The following DNAJC6 variants were observed in gnomAD, a reference collection of about 807,000 sequenced individuals.
DNAJC6 encodes auxilin.
DNAJC6 carries 34 observed loss-of-function variants against 110.0 expected under a neutral mutation model. The observed-to-expected ratio is 0.31, with a 90% CI of 0.24 to 0.41. The LOEUF is 0.41. DNAJC6 is among the 10% of genes least tolerant of loss of function. The pLI, the probability that DNAJC6 is intolerant of heterozygous loss-of-function variation, is 1.00. For missense variants in DNAJC6, 1,031 were observed against 1,207.8 expected (o/e 0.85, Z 2.17); for synonymous variants, 406 against 437.2 (o/e 0.93, Z 0.89).
intron 1 of DNAJC6, among the ~76,000 whole-genome samples, chr1:65,300,539 GC>G (rs1355996132): frequency 1.3e-5 from 2 of 152,146 alleles, no homozygotes; most frequent in South Asian, 4.1e-4. Context: ...ATACTATGTG[GC>G]CACATGCCCA....
intron 1 of DNAJC6, among the ~76,000 whole-genome samples, chr1:65,293,843 T>C (rs1032239113): frequency 6.6e-6 from 1 of 152,224 alleles, no homozygotes; most frequent in Non-Finnish European, 1.5e-5. Context: ...TTTAAGAATA[T>C]AATTTTCATT....
chr1:65,265,941 T>G (rs1299796805), intron 1 of DNAJC6, among the ~76,000 whole-genome samples: 1 of 152,250 alleles, frequency 6.6e-6, no homozygotes. Flanking sequence ...TTTCACCCGC[T>G]TTCCGTGCGA....
At chr1:65,346,356 G>A (rs921546454) in intron 1 of DNAJC6, among the ~76,000 whole-genome samples, 9 of 151,054 alleles carry the variant, frequency 6.0e-5, no homozygotes, top group Admixed American at 1.3e-4. Flanking sequence ...TCTGCTCTGC[G>A]AACAGCTTGT....
intron 1 of DNAJC6, among the ~76,000 whole-genome samples, chr1:65,280,078 G>T (rs1215244545): frequency 6.6e-6 from 1 of 152,114 alleles, no homozygotes; most frequent in East Asian, 1.9e-4. Context: ...GTTGTTGCGA[G>T]ATTAGAAATA....
chr1:65,334,467 A>G (rs1348721551), intron 1 of DNAJC6, among the ~76,000 whole-genome samples: 1 of 152,226 alleles, frequency 6.6e-6, no homozygotes, highest in Non-Finnish European at 1.5e-5. Context: ...GGACTGGGGC[A>G]AAGATGGGTG....
At chr1:65,366,583 A>T (rs1053822483) in intron 4 of DNAJC6, among the ~76,000 whole-genome samples, 6 of 152,200 alleles carry the variant, frequency 3.9e-5, no homozygotes, top group Non-Finnish European at 7.4e-5. Context: ...GTATCAAGAT[A>T]AGGCAGTGTG....
chr1:65,401,970 A>T (rs1646034258), intron 15 of DNAJC6, 90 bp downstream of exon 15: 2 of 1,546,318 alleles, frequency 1.3e-6, no homozygotes, highest in African/African-American at 1.4e-5. Flanking sequence ...GCAAGCTGGT[A>T]TTGTCACCTG....
chr1:65,346,979 A>T (rs1240066333), intron 1 of DNAJC6, among the ~76,000 whole-genome samples: 1 of 152,094 alleles, frequency 6.6e-6, no homozygotes, highest in Non-Finnish European at 1.5e-5. Flanking sequence ...CAGAATGCTT[A>T]TCTACTTTAT....
intron 14 of DNAJC6, among the ~76,000 whole-genome samples, chr1:65,400,016 A>G (rs1042479898): frequency 6.6e-6 from 1 of 152,034 alleles, no homozygotes; most frequent in Admixed American, 6.5e-5. Flanking sequence ...CCCCATCTCT[A>G]CAAAAATACA....
intron 1 of DNAJC6, among the ~76,000 whole-genome samples, chr1:65,347,443 C>T (rs1645447445): frequency 6.6e-6 from 1 of 151,930 alleles, no homozygotes; most frequent in African/African-American, 2.4e-5. Flanking sequence ...ATTCCATCCT[C>T]CTCACCCAGC....
At chr1:65,305,877 T>C (rs927027829), upstream of DNAJC6, among the ~76,000 whole-genome samples, 3 of 148,476 alleles carry the variant, frequency 2.0e-5, no homozygotes, top group Non-Finnish European at 3.0e-5. Flanking sequence ...AGTGGAATGA[T>C]AGTAATAATA....
At chr1:65,299,852 C>T (rs537277766) in intron 1 of DNAJC6, among the ~76,000 whole-genome samples, 1 of 152,040 alleles carries the variant, frequency 6.6e-6, no homozygotes, top group East Asian at 1.9e-4. Flanking sequence ...GAGTTTGAGA[C>T]CAGCCTGGCC....
At chr1:65,404,534 T>C (rs1475428462) in intron 15 of DNAJC6, among the ~76,000 whole-genome samples, 2 of 152,128 alleles carry the variant, frequency 1.3e-5, no homozygotes, top group Non-Finnish European at 2.9e-5. Flanking sequence ...CAAATAGTGG[T>C]GAATTAGTGT....
At chr1:65,282,438 A>G (rs1440504015) in intron 1 of DNAJC6, among the ~76,000 whole-genome samples, 1 of 152,154 alleles carries the variant, frequency 6.6e-6, no homozygotes, top group Non-Finnish European at 1.5e-5. Context: ...CCTTAAAGCT[A>G]AGAGACTGAT....
intron 13 of DNAJC6, among the ~76,000 whole-genome samples, chr1:65,397,340 T>C (rs1365581971): frequency 6.6e-6 from 1 of 152,100 alleles, no homozygotes; most frequent in East Asian, 1.9e-4. Flanking sequence ...ATAAAAAAAA[T>C]ACTGCCTTTG....
chr1:65,377,568 C>G (rs1449227469), intron 4 of DNAJC6, among the ~76,000 whole-genome samples: 6 of 152,162 alleles, frequency 3.9e-5, no homozygotes, highest in Non-Finnish European at 8.8e-5. Context: ...CTTGTCTCTC[C>G]TAAAGGTATA....
chr1:65,407,904 T>C (rs1231268747), intron 16 of DNAJC6, among the ~76,000 whole-genome samples: 1 of 152,244 alleles, frequency 6.6e-6, no homozygotes, highest in African/African-American at 2.4e-5. Flanking sequence ...CTGTTATGTT[T>C]TGGTTCTATT....
Position 65,386,889 on chromosome 1 carries a change from A to G in DNAJC6, c.1073A>G (p.Tyr358Cys). The G allele has an allele frequency of 6.2e-7, 1 of 1,614,146 alleles. No individual in the cohort carries two copies. Among genetic ancestry groups the G allele is most frequent in the Admixed American group, 1.7e-5 (1 of 60,024 alleles). Reference protein sequence around the residue: ...TVQGDVVVSMYHLRSTIGSRL... With the variant: ...TVQGDVVVSMCHLRSTIGSRL... ...CAAGGAGACGTGGTTGTTTCCATGT[A>G]TCACTTGAGGTCAACCATTGGGAGC... Residue 358 changes from tyrosine to cysteine, a missense_variant, in exon 8 of 19, where the codon TAT becomes TGT. Coordinates refer to ENST00000371069, the MANE Select transcript of DNAJC6 (RefSeq NM_001256864.2).
At chr1:65,368,607 CCTCCTT>C (rs1645672542) in intron 4 of DNAJC6, among the ~76,000 whole-genome samples, 1 of 145,612 alleles carries the variant, frequency 6.9e-6, no homozygotes. Flanking sequence ...TTCTTCTTCT[CCTCCTT>C]CTCCTTCTTC....
Sources: gnomAD v4.1 joint callset for allele counts (sites outside exome capture counted in the v4.1 genomes callset) on GRCh38, gnomAD v4.1.1 for gene constraint, MANE v1.5 for transcripts, NCBI Gene and HGNC (gene_info 2026-07-23, HGNC 2026-07-21) for gene names.